Variants in MCM9 observed in about 807,000 individuals in gnomAD.
The protein encoded by MCM9 is DNA helicase MCM9.
MCM9 carries 55 observed loss-of-function variants against 72.8 expected under a neutral mutation model. That is an observed-to-expected ratio of 0.76 (90% CI 0.61 to 0.95). The LOEUF (loss-of-function observed/expected upper bound fraction) is 0.95, where lower values mean the gene tolerates loss of function less well. Among genes scored for constraint, MCM9 ranks in the 40% least tolerant of loss-of-function variants. The pLI is 0.00. For synonymous variants in MCM9, 480 were observed against 503.4 expected (o/e 0.95, Z 0.62); for missense variants, 1,279 against 1,377.0 (o/e 0.93, Z 1.13).
intron 8 of MCM9, among the ~76,000 whole-genome samples, chr6:118,883,394 G>C (rs1778417119): frequency 6.6e-6 from 1 of 150,678 alleles, no homozygotes; most frequent in Non-Finnish European, 1.5e-5. Context: ...CAGAAGGAGG[G>C]GAACTAAAAG....
intron 8 of MCM9, among the ~76,000 whole-genome samples, chr6:118,904,131 G>A (rs568622250): frequency 2.0e-5 from 3 of 152,278 alleles, no homozygotes; most frequent in Admixed American, 1.3e-4. Flanking sequence ...TGGTAGCAGT[G>A]CAAATGATAG....
intron 8 of MCM9, chr6:118,894,165 A>G: frequency 7.9e-7 from 1 of 1,267,398 alleles, no homozygotes; most frequent in Non-Finnish European, 1.0e-6. Flanking sequence ...ACTCGGGTGC[A>G]GCCAATCGAG....
intron 8 of MCM9, among the ~76,000 whole-genome samples, chr6:118,868,293 A>G (rs538419219): frequency 6.6e-6 from 1 of 152,352 alleles, no homozygotes; most frequent in African/African-American, 2.4e-5. Flanking sequence ...AAAATGTGTG[A>G]GGAGGAAAAA....
At chr6:118,924,614 A>T (rs1781724980) in intron 3 of MCM9, among the ~76,000 whole-genome samples, 2 of 152,240 alleles carry the variant, frequency 1.3e-5, no homozygotes, top group South Asian at 4.1e-4. Flanking sequence ...TTTTTCAGTC[A>T]GACTCAGAAT....
intron 9 of MCM9, among the ~76,000 whole-genome samples, chr6:118,843,655 T>TATATATATACATATATATATATAC (rs1491542240): frequency 2.6e-5 from 1 of 38,616 alleles, no homozygotes; most frequent in African/African-American, 9.9e-5. Flanking sequence ...TATATATATA[T>TATATATATACATATATATATATAC]GTGTATATAT....
rs1208519461 is a variant in MCM9, at chr6:118,922,002, T to TA, written c.703+2dup. On this transcript the variant is annotated splice_region_variant and intron_variant, in intron 5 of 13. Transcript: ENST00000619706. ...AGCTAAAAAAAAATTCCCCTCTTCT[T>TA]ACCAGATTTGCAACTATCCACTAAG... The TA allele has an allele frequency of 1.2e-6, 2 of 1,610,084 alleles. No homozygotes were observed. The highest frequency in any genetic ancestry group is 3.4e-5 in the Admixed American group (2 of 59,382).
At chr6:118,851,628 T>G (rs1453695116) in intron 9 of MCM9, among the ~76,000 whole-genome samples, 1 of 151,740 alleles carries the variant, frequency 6.6e-6, no homozygotes, top group Non-Finnish European at 1.5e-5. Context: ...AATCTTTAAA[T>G]GAAATCTATG....
intron 8 of MCM9, among the ~76,000 whole-genome samples, chr6:118,880,054 A>AAC (rs1778190917): frequency 6.6e-6 from 1 of 152,056 alleles, no homozygotes; most frequent in African/African-American, 2.4e-5. Context: ...ACAACAACAA[A>AAC]AAAAAAACAC....
In MCM9 at chr6:118,923,924, A is replaced by G; in HGVS notation, c.508T>C (p.Ser170Pro). 6.2e-7 allele frequency: 1 copy of G among 1,614,226 alleles called. No homozygotes were observed. Among genetic ancestry groups the G allele is most frequent in the Non-Finnish European group, 8.5e-7 (1 of 1,180,034 alleles). ...CAGCTCTCCAAGCTGGGACACGAGG[A>G]TGGCCGGCAAAAGGTGTAATACTGC... Reference protein sequence around the residue: ...FEQYYTFCRPSSCPSLESCDS... With the variant: ...FEQYYTFCRPPSCPSLESCDS... The change falls in exon 4 of 14, where the codon TCC (serine) becomes CCC (proline). Residue 170 changes from serine (S) to proline (P), a missense_variant. Physicochemically the swap from Ser to Pro is moderately conservative, Grantham distance 74 (BLOSUM62 -1). Transcript: ENST00000619706.
intron 8 of MCM9, among the ~76,000 whole-genome samples, chr6:118,902,295 G>A (rs1779849066): frequency 6.6e-6 from 1 of 152,116 alleles, no homozygotes; most frequent in Admixed American, 6.5e-5. Flanking sequence ...TCTATAAAAT[G>A]TGGATAATAT....
At chr6:118,863,535 G>C (rs1777034719) in intron 8 of MCM9, among the ~76,000 whole-genome samples, 1 of 152,156 alleles carries the variant, frequency 6.6e-6, no homozygotes, top group African/African-American at 2.4e-5. Context: ...ACATGTTATG[G>C]TCTGAATGTT....
intron 8 of MCM9, among the ~76,000 whole-genome samples, chr6:118,869,608 A>AAAAAAAAAAAAAAAAAAAAAAAAAAAT (rs1351523867): frequency 6.7e-6 from 1 of 149,594 alleles, no homozygotes; most frequent in Non-Finnish European, 1.5e-5. Flanking sequence ...ACAAAAAAAA[A>AAAAAAAAAAAAAAAAAAAAAAAAAAAT]AAAAAAAAAA....
chr6:118,918,966 G>A (rs181960512), intron 5 of MCM9: 13 of 152,304 alleles, frequency 8.5e-5, no homozygotes, highest in African/African-American at 3.1e-4. Context: ...AACACATTAA[G>A]TAAGTGCTTT....
At chr6:118,851,894 T>G (rs1178268005) in intron 9 of MCM9, among the ~76,000 whole-genome samples, 1 of 152,164 alleles carries the variant, frequency 6.6e-6, no homozygotes, top group Non-Finnish European at 1.5e-5. Context: ...CTACATTAAG[T>G]CAAAATACTC....
intron 8 of MCM9, among the ~76,000 whole-genome samples, chr6:118,879,870 C>G (rs866579780): frequency 6.6e-6 from 1 of 151,710 alleles, no homozygotes; most frequent in Non-Finnish European, 1.5e-5. Flanking sequence ...ATGGTGAAAC[C>G]CTGTCTCTAT....
Position 118,922,023 on chromosome 6 carries a change from C to A in MCM9, c.685G>T (p.Val229Leu), listed in dbSNP as rs1188509798. 1 of 1,612,810 alleles carries A rather than the reference C, an allele frequency of 6.2e-7. No homozygotes were observed. Among genetic ancestry groups the A allele is most frequent in the African/African-American group, 1.3e-5 (1 of 75,006 alleles). ...TTCTTACCAGATTTGCAACTATCCA[C>A]TAAGTCATCTTCCAGAATAACCTTC... The part of the protein sequence containing the change: ...SMKVILEDDL[V>L]DSCKSGDDLT... The change falls in exon 5 of 14, where the codon GTG (valine) becomes TTG (leucine). Residue 229 changes from valine (V) to leucine (L), a missense_variant. Physicochemically the swap from Val to Leu is conservative, Grantham distance 32 (BLOSUM62 1). Transcript: ENST00000619706.
At chr6:118,896,977 A>C (rs1779463732) in intron 8 of MCM9, among the ~76,000 whole-genome samples, 1 of 152,084 alleles carries the variant, frequency 6.6e-6, no homozygotes, top group Admixed American at 6.6e-5. Flanking sequence ...AGCTGGGACC[A>C]TAGTCGATGT....
Position 118,828,208 on chromosome 6 carries a change from G to C in MCM9, c.1529-78C>G, listed in dbSNP as rs1306690684. The C allele has an allele frequency of 1.0e-5, 12 of 1,170,794 alleles. No individual in the cohort carries two copies. The East Asian group carries it at 3.1e-4, about 30-fold the overall frequency. 72.5% of individuals were successfully genotyped at this position (1,170,794 alleles called of 1,614,324 possible). On this transcript the variant is annotated intron_variant, in intron 10 of 13. Transcript: ENST00000619706. ...ATTTTAAGGATTTTTATAAAGTTCT[G>C]GTACTCATTTGTTAAAAGATAACCT...
In MCM9 at chr6:118,931,528, G is replaced by A; in HGVS notation, c.196C>T (p.Leu66Phe). 6.2e-7 allele frequency: 1 copy of A among 1,614,110 alleles called. No homozygotes were observed. Among genetic ancestry groups the A allele is most frequent in the Non-Finnish European group, 8.5e-7 (1 of 1,180,020 alleles). Residue 66 changes from leucine to phenylalanine, a missense_variant, in exon 3 of 14, where the codon CTT becomes TTT. Coordinates refer to ENST00000619706, the MANE Select transcript of MCM9 (RefSeq NM_017696.3). ...EYFNMFPSEV[L>F]TIFDSALRRS... ...CGCAGTGCACTATCAAAAATTGTAA[G>A]CACTTCACTGGGGAACATGTTGAAA...
Sources: gnomAD v4.1 joint callset for allele counts (sites outside exome capture counted in the v4.1 genomes callset) on GRCh38, gnomAD v4.1.1 for gene constraint, MANE v1.5 for transcripts, NCBI Gene and HGNC (gene_info 2026-07-23, HGNC 2026-07-21) for gene names.